GAD2: variants seen among roughly 807,000 people sequenced by gnomAD.
GAD2 encodes 65 kDa glutamic acid decarboxylase.
GAD2 carries 22 observed loss-of-function variants against 80.1 expected under a neutral mutation model. That is an observed-to-expected ratio of 0.27 (90% CI 0.20 to 0.39). The LOEUF is 0.39. GAD2 is among the 10% of genes least tolerant of loss of function. The probability of loss-of-function intolerance (pLI) is 1.00; values close to 1 mark genes in which losing one functional copy is unlikely to be tolerated. For synonymous variants in GAD2, 274 were observed against 256.9 expected (o/e 1.07, Z -0.64); for missense variants, 624 against 738.4 (o/e 0.85, Z 1.80).
At chr10:26,281,998 A>C (rs1413697652) in intron 12 of GAD2, among the ~76,000 whole-genome samples, 1 of 152,058 alleles carries the variant, frequency 6.6e-6, no homozygotes, top group Non-Finnish European at 1.5e-5. Flanking sequence ...GCTGGAGTGC[A>C]ATGGTGCGAT....
At chr10:26,239,505 T>A (rs1844715347) in intron 7 of GAD2, among the ~76,000 whole-genome samples, 1 of 152,250 alleles carries the variant, frequency 6.6e-6, no homozygotes, top group African/African-American at 2.4e-5. Context: ...AATAGTGACA[T>A]TTCCCCGGAC....
At chr10:26,242,095 C>T (rs921335521) in intron 7 of GAD2, among the ~76,000 whole-genome samples, 1 of 152,176 alleles carries the variant, frequency 6.6e-6, no homozygotes, top group African/African-American at 2.4e-5. Context: ...ATGCCATTCT[C>T]CTGCCTCAGC....
intron 10 of GAD2, among the ~76,000 whole-genome samples, chr10:26,272,634 C>T (rs1845149549): frequency 6.6e-6 from 1 of 152,194 alleles, no homozygotes. Context: ...GAGGCTGAGG[C>T]AGGTGGATTA....
chr10:26,254,517 C>G (rs2132294262), intron 8 of GAD2, among the ~76,000 whole-genome samples: 1 of 152,214 alleles, frequency 6.6e-6, no homozygotes, highest in South Asian at 2.1e-4. Flanking sequence ...AATGGGGACC[C>G]CTGTTGTAAA....
intron 7 of GAD2, among the ~76,000 whole-genome samples, chr10:26,243,753 C>T (rs1844771717): frequency 6.6e-6 from 1 of 152,174 alleles, no homozygotes; most frequent in African/African-American, 2.4e-5. Context: ...AACAAATAGC[C>T]CCTCCAGCAA....
Position 26,217,135 on chromosome 10 carries a change from G to A in GAD2, c.76+250G>A, listed in dbSNP as rs1316822095. On this transcript the variant is annotated intron_variant, in intron 1 of 15. Coordinates refer to ENST00000376261, the MANE Select transcript of GAD2 (RefSeq NM_001134366.2). This position sits in a 1 kb window ranked among gnomAD's most constrained non-coding sequence, Gnocchi z 4.9. ...AGGTTGGAAGAGCCCCCCAAAGACC[G>A]CGGTGTCTCGGGGACATGGAATTCC... 6.6e-6 allele frequency among the ~76,000 whole-genome samples: 1 copy of A among 151,954 alleles called. No individual in the cohort carries two copies. Among genetic ancestry groups the A allele is most frequent in the Non-Finnish European group, 1.5e-5 (1 of 67,982 alleles).
chr10:26,277,443 C>G, intron 11 of GAD2, among the ~76,000 whole-genome samples: 1 of 152,240 alleles, frequency 6.6e-6, no homozygotes, highest in South Asian at 2.1e-4. Flanking sequence ...TTCCTTGGGG[C>G]GACAAAACCC....
intron 7 of GAD2, among the ~76,000 whole-genome samples, chr10:26,241,060 A>C (rs7910714): frequency 5.7e-4 from 86 of 152,160 alleles, no homozygotes; most frequent in African/African-American, 2.0e-3. Context: ...AAAAAAAAAG[A>C]GAGAGTGAGA....
chr10:26,227,200 C>T (rs1844537641), intron 6 of GAD2, among the ~76,000 whole-genome samples: 1 of 152,156 alleles, frequency 6.6e-6, no homozygotes, highest in Admixed American at 6.5e-5. Flanking sequence ...ACCATGTTGG[C>T]CAGGCTGGTC....
chr10:26,286,115 C>A (rs1845328384), intron 12 of GAD2, among the ~76,000 whole-genome samples: 1 of 152,142 alleles, frequency 6.6e-6, no homozygotes, highest in African/African-American at 2.4e-5. Flanking sequence ...TCCTTGCTAA[C>A]CTCCGTGACA....
intron 8 of GAD2, among the ~76,000 whole-genome samples, chr10:26,258,927 C>T (rs778730630): frequency 6.6e-6 from 1 of 152,030 alleles, no homozygotes; most frequent in African/African-American, 2.4e-5. Context: ...GAATTTCCTG[C>T]CTCAGCCTCC....
chr10:26,219,324 T>G (rs776663792), intron 4 of GAD2, 48 bp downstream of exon 4: 6 of 1,218,550 alleles, frequency 4.9e-6, no homozygotes, highest in Non-Finnish European at 2.3e-6. Flanking sequence ...TTTACAATTT[T>G]TATTTTATTT....
At chr10:26,284,564 CTTTT>C (rs35046451) in intron 12 of GAD2, among the ~76,000 whole-genome samples, 2 of 93,162 alleles carry the variant, frequency 2.1e-5, no homozygotes, top group East Asian at 3.7e-4. Flanking sequence ...GGCTGTTCAG[CTTTT>C]TTTTTTTTTT....
intron 10 of GAD2, among the ~76,000 whole-genome samples, 174 bp from the exon 11 acceptor site, chr10:26,273,462 C>G (rs964251607): frequency 2.6e-5 from 4 of 152,204 alleles, no homozygotes; most frequent in African/African-American, 9.7e-5. Flanking sequence ...GGGATGGAAT[C>G]TGAGACCTTA....
intron 7 of GAD2, among the ~76,000 whole-genome samples, chr10:26,242,229 G>A (rs1194809020): frequency 2.0e-5 from 3 of 152,054 alleles, no homozygotes; most frequent in Admixed American, 6.5e-5. Flanking sequence ...CTCGTGATCC[G>A]CCTGCCTCAG....
intron 13 of GAD2, among the ~76,000 whole-genome samples, chr10:26,291,613 G>C (rs906770347): frequency 6.6e-6 from 1 of 152,200 alleles, no homozygotes; most frequent in African/African-American, 2.4e-5. Flanking sequence ...TTCTCTGCTG[G>C]AGAAGTTACT....
chr10:26,292,633 T>C (rs993371530), intron 14 of GAD2, 61 bp downstream of exon 14: 11 of 1,257,666 alleles, frequency 8.7e-6, no homozygotes, highest in Non-Finnish European at 1.2e-5. Context: ...TCATCACTGA[T>C]ATGATGTAAA....
intron 8 of GAD2, among the ~76,000 whole-genome samples, chr10:26,247,054 G>A (rs898381970): frequency 6.6e-6 from 1 of 152,222 alleles, no homozygotes; most frequent in Non-Finnish European, 1.5e-5. Flanking sequence ...AGTCCATAGA[G>A]TGAAATGAAA....
intron 7 of GAD2, among the ~76,000 whole-genome samples, chr10:26,233,411 G>A (rs1037193719): frequency 6.6e-6 from 1 of 152,122 alleles, no homozygotes; most frequent in African/African-American, 2.4e-5. Context: ...TCGTAGGGTT[G>A]GGCTGGAGGG....
Sources: gnomAD v4.1 joint callset for allele counts (sites outside exome capture counted in the v4.1 genomes callset) on GRCh38, gnomAD v4.1.1 for gene constraint, Gnocchi (gnomAD v3.1) non-coding constraint, MANE v1.5 for transcripts, NCBI Gene and HGNC (gene_info 2026-07-23, HGNC 2026-07-21) for gene names.